Variants in ZSCAN5A observed in about 807,000 individuals in gnomAD.
ZSCAN5A encodes the protein zinc finger and SCAN domain-containing protein 5A.
In ZSCAN5A, 12 loss-of-function variants were observed where a neutral mutation model predicts 23.7. The ratio of observed to expected loss-of-function variants is 0.51; its 90% CI spans 0.32 to 0.82. The LOEUF is 0.82. ZSCAN5A is among the 40% of genes least tolerant of loss of function. ZSCAN5A has a pLI of 0.03. For synonymous variants in ZSCAN5A, 257 were observed against 239.9 expected, an observed-to-expected ratio of 1.07 and a Z score of -0.66; for missense variants, 597 against 617.9, an observed-to-expected ratio of 0.97 and a Z score of 0.36.
intron 2 of ZSCAN5A, among the ~76,000 whole-genome samples, chr19:56,251,315 T>C (rs2036324987): frequency 6.6e-6 from 1 of 152,182 alleles, no homozygotes; most frequent in Non-Finnish European, 1.5e-5. Context: ...TTTTTGGTGC[T>C]TTTCTGTGTA....
intron 2 of ZSCAN5A, among the ~76,000 whole-genome samples, chr19:56,252,358 C>T (rs2036405927): frequency 6.6e-6 from 1 of 152,178 alleles, no homozygotes; most frequent in Admixed American, 6.5e-5. Flanking sequence ...ATTACACCAC[C>T]CAAAATTGAG....
At chr19:56,297,269 T>C (rs1027136546) in intron 2 of ZSCAN5A, among the ~76,000 whole-genome samples, 2 of 152,064 alleles carry the variant, frequency 1.3e-5, no homozygotes, top group Non-Finnish European at 2.9e-5. Flanking sequence ...TCTCTCCTCA[T>C]TCGAGGCACC....
chr19:56,238,054 G>GACACACACGAACACA, intron 2 of ZSCAN5A, among the ~76,000 whole-genome samples: 1 of 5,468 alleles, frequency 1.8e-4, no homozygotes, highest in African/African-American at 7.1e-4. Flanking sequence ...CGTGGCATAT[G>GACACACACGAACACA]TGTCTAGTCC....
chr19:56,244,043 A>G, intron 2 of ZSCAN5A: 1 of 903,018 alleles, frequency 1.1e-6, no homozygotes, highest in Non-Finnish European at 1.8e-6. Context: ...TCCACCAGAT[A>G]TGGCTGCAAA....
chr19:56,289,469 G>A (rs771833745), intron 2 of ZSCAN5A, among the ~76,000 whole-genome samples: 28 of 152,188 alleles, frequency 1.8e-4, no homozygotes, highest in Non-Finnish European at 3.5e-4. Context: ...TCTAGTTCGG[G>A]TAAGACGGAG....
At chr19:56,364,467 G>A (rs1297793387) in intron 1 of ZSCAN5A, among the ~76,000 whole-genome samples, 2 of 152,180 alleles carry the variant, frequency 1.3e-5, no homozygotes, top group Non-Finnish European at 2.9e-5. Context: ...TAAAGTCTTG[G>A]AAAGGATGTG....
chr19:56,330,956 T>G (rs2041483229), intron 2 of ZSCAN5A, among the ~76,000 whole-genome samples: 1 of 152,074 alleles, frequency 6.6e-6, no homozygotes, highest in Admixed American at 6.5e-5. Flanking sequence ...ATTTAAATCT[T>G]TAATTCTTCT....
At chr19:56,319,741 C>T, upstream of ZSCAN5A, 3 of 703,118 alleles carry the variant, frequency 4.3e-6, no homozygotes, top group East Asian at 7.8e-5. Flanking sequence ...GTTTAACAAA[C>T]ACAGATCTGC....
intron 2 of ZSCAN5A, among the ~76,000 whole-genome samples, chr19:56,287,622 G>C (rs537205069): frequency 3.9e-5 from 6 of 152,288 alleles, no homozygotes; most frequent in African/African-American, 1.4e-4. Flanking sequence ...ACGAAACCAA[G>C]TACCAATCGA....
intron 2 of ZSCAN5A, among the ~76,000 whole-genome samples, chr19:56,322,465 T>C (rs1354088848): frequency 6.6e-6 from 1 of 152,204 alleles, no homozygotes; most frequent in Non-Finnish European, 1.5e-5. Flanking sequence ...CTCGCCTGGC[T>C]TTACACTTCA....
At chr19:56,279,102 T>C (rs1012617826) in intron 2 of ZSCAN5A, among the ~76,000 whole-genome samples, 2 of 152,214 alleles carry the variant, frequency 1.3e-5, no homozygotes, top group African/African-American at 4.8e-5. Flanking sequence ...CAGTGCCTAC[T>C]GAAGCATTGA....
At chr19:56,257,807 G>A (rs1447380844) in intron 2 of ZSCAN5A, among the ~76,000 whole-genome samples, 1 of 129,586 alleles carries the variant, frequency 7.7e-6, no homozygotes, top group Admixed American at 7.9e-5. Context: ...CCTGGCTCCT[G>A]CCTCCCACCA....
At chr19:56,319,498 GA>G (rs57164685), upstream of ZSCAN5A, among the ~76,000 whole-genome samples, 15,144 of 78,204 alleles carry the variant, frequency 0.19, 1,226 homozygotes, top group African/African-American at 0.35. Flanking sequence ...TCCATCTCGG[GA>G]AAAAAAAAAA....
At chr19:56,333,757 G>A (rs1275460365) in intron 2 of ZSCAN5A, among the ~76,000 whole-genome samples, 2 of 152,028 alleles carry the variant, frequency 1.3e-5, no homozygotes, top group African/African-American at 2.4e-5. Context: ...AGCCAGACAT[G>A]AGAAGAGTCC....
intron 1 of ZSCAN5A, chr19:56,314,268 C>G (rs1195148126): frequency 3.3e-5 from 5 of 152,154 alleles, no homozygotes. Context: ...AAGGACCAAG[C>G]GAACTGCGGG....
At chr19:56,284,032 C>A in intron 2 of ZSCAN5A, 5 of 203,160 alleles carry the variant, frequency 2.5e-5, no homozygotes, top group Non-Finnish European at 4.4e-5. Flanking sequence ...CCATGCATGA[C>A]CCCTTGTGGA....
At chr19:56,245,972 TGGTGC>T (rs1001851751) in intron 2 of ZSCAN5A, among the ~76,000 whole-genome samples, 1 of 152,060 alleles carries the variant, frequency 6.6e-6, no homozygotes, top group Non-Finnish European at 1.5e-5. Flanking sequence ...CCAATGCCAG[TGGTGC>T]CAGGGGTTAG....
chr19:56,260,690 T>C (rs1015583249), intron 2 of ZSCAN5A, among the ~76,000 whole-genome samples: 1 of 152,130 alleles, frequency 6.6e-6, no homozygotes, highest in Non-Finnish European at 1.5e-5. Flanking sequence ...AACAAGTTAA[T>C]ATGTTTGAGG....
intron 2 of ZSCAN5A, among the ~76,000 whole-genome samples, chr19:56,307,661 C>T (rs1403455979): frequency 1.3e-5 from 2 of 152,078 alleles, no homozygotes; most frequent in African/African-American, 4.8e-5. Flanking sequence ...CTGCAAATGC[C>T]TAATAGTTTG....
Sources: gnomAD v4.1 joint callset for allele counts (sites outside exome capture counted in the v4.1 genomes callset) on GRCh38, gnomAD v4.1.1 for gene constraint, MANE v1.5 for transcripts, NCBI Gene and HGNC (gene_info 2026-07-23, HGNC 2026-07-21) for gene names.